The following GNA13 variants were observed in gnomAD, a reference collection of about 807,000 sequenced individuals.
The protein encoded by GNA13 is guanine nucleotide-binding protein subunit alpha-13.
Under a neutral mutation model 33.5 loss-of-function variants are expected in GNA13, and 4 were observed. The observed-to-expected ratio is 0.12, with a 90% CI of 0.06 to 0.27. GNA13 has a LOEUF of 0.27. GNA13 is among the 10% of genes least tolerant of loss of function. GNA13 has a pLI of 1.00. For missense variants in GNA13, 319 were observed against 487.2 expected, an observed-to-expected ratio of 0.65 and a Z score of 3.25; for synonymous variants, 176 against 183.8, an observed-to-expected ratio of 0.96 and a Z score of 0.34.
At position 65,014,067 on chromosome 17, in the gene GNA13, T is replaced by C; in HGVS notation, c.*190A>G. 1.8e-6 allele frequency: 1 copy of C among 559,012 alleles called. No homozygotes were observed. The allele number at this position is 559,012 out of a possible 1,614,324, so 34.6% of individuals were successfully genotyped here. A position where few individuals can be genotyped will look rare whatever the true frequency, so the allele number is the denominator to read the frequency against. The stretch of plus-strand genomic sequence containing the variant: ...TCAAAGCCTGCATTACAGCAAATCT[T>C]GGCGATGAGTCACTCAACAGCTTTC... On this transcript the variant is annotated 3_prime_UTR_variant, in exon 4 of 4. Coordinates refer to ENST00000439174, the MANE Select transcript of GNA13 (RefSeq NM_006572.6). This position sits in a 1 kb window ranked among gnomAD's most constrained non-coding sequence, Gnocchi z 5.3.
At chr17:65,040,450 T>C (rs1235987211) in intron 2 of GNA13, among the ~76,000 whole-genome samples, 1 of 152,246 alleles carries the variant, frequency 6.6e-6, no homozygotes, top group Non-Finnish European at 1.5e-5. Flanking sequence ...ATTTTCTTTT[T>C]AAAATTTGCA....
In GNA13 at chr17:65,056,677, G is replaced by T; in HGVS notation, c.-84C>A. On this transcript the variant is annotated 5_prime_UTR_variant, in exon 1 of 4. Coordinates refer to ENST00000439174, the MANE Select transcript of GNA13 (RefSeq NM_006572.6). ...GGCGGCGGGCGGCTCCGGCACCGAG[G>T]CTCGAGGGCGGGGAGCGCGGCGGCG... is the stretch of plus-strand genomic sequence containing the variant. The T allele has an allele frequency of 9.3e-7, 1 of 1,076,292 alleles. No individual in the cohort carries two copies. Among genetic ancestry groups the T allele is most frequent in the Non-Finnish European group, 1.2e-6 (1 of 818,624 alleles). The allele number at this position is 1,076,292 out of a possible 1,614,324, so 66.7% of individuals were successfully genotyped here.
intron 2 of GNA13, among the ~76,000 whole-genome samples, chr17:65,051,429 A>T (rs1907854459): frequency 6.6e-6 from 1 of 152,218 alleles, no homozygotes; most frequent in African/African-American, 2.4e-5. Context: ...CAGCTTGACC[A>T]ACATGGAGAA....
chr17:65,010,582 G>A lies in GNA13; in HGVS notation c.*3675C>T, dbSNP rs1398726361. The A allele has an allele frequency of 9.7e-6, 2 of 206,138 alleles. No homozygotes were observed. The highest frequency in any genetic ancestry group is 7.3e-5 in the East Asian group (1 of 13,676). 12.8% of individuals were successfully genotyped at this position (206,138 alleles called of 1,614,324 possible). On this transcript the variant is annotated 3_prime_UTR_variant, in exon 4 of 4. Coordinates refer to ENST00000439174, the MANE Select transcript of GNA13 (RefSeq NM_006572.6). ...CAGATCATCTGTGATTAACAGAAGC[G>A]AACGCCTTAAAATGATGGGAGAGAG...
intron 2 of GNA13, 51 bp downstream of exon 2, chr17:65,053,451 C>T (rs1461532845): frequency 3.4e-6 from 4 of 1,167,032 alleles, no homozygotes; most frequent in Admixed American, 1.7e-5. Flanking sequence ...ACCTGTATTA[C>T]TAAACATCAT....
chr17:65,016,599 T>C (rs551538797), intron 3 of GNA13, among the ~76,000 whole-genome samples: 3 of 152,180 alleles, frequency 2.0e-5, no homozygotes, highest in Non-Finnish European at 4.4e-5. Context: ...TGACCTCAAG[T>C]GATCCTCCCG....
chr17:65,049,803 A>G (rs1383062005), intron 2 of GNA13, among the ~76,000 whole-genome samples: 1 of 152,216 alleles, frequency 6.6e-6, no homozygotes, highest in Non-Finnish European at 1.5e-5. Context: ...ATCCTCAGGT[A>G]TAAAGTCTGA....
intron 2 of GNA13, among the ~76,000 whole-genome samples, chr17:65,025,324 C>G (rs891726943): frequency 6.6e-6 from 1 of 152,180 alleles, no homozygotes; most frequent in African/African-American, 2.4e-5. Flanking sequence ...ATAGCTTCCT[C>G]TTTTAAAAAA....
rs909327396 is a variant in GNA13 at position 65,013,916 on chromosome 17, T to G, written c.*341A>C. On this transcript the variant is annotated 3_prime_UTR_variant, in exon 4 of 4. Coordinates refer to ENST00000439174, the MANE Select transcript of GNA13 (RefSeq NM_006572.6). ...TCCCTACAAGTATTTAAGGACACCT[T>G]TGATACTTGGCACTGCAGGAGAATT... 1 of 297,888 alleles carries G rather than the reference T, an allele frequency of 3.4e-6. No homozygotes were observed. Among genetic ancestry groups the G allele is most frequent in the African/African-American group, 2.1e-5 (1 of 47,426 alleles). The allele number at this position is 297,888 out of a possible 1,614,324, so 18.5% of individuals were successfully genotyped here. A position where few individuals can be genotyped will look rare whatever the true frequency, so the allele number is the denominator to read the frequency against.
At chr17:65,033,225 C>T in intron 2 of GNA13, among the ~76,000 whole-genome samples, 1 of 151,974 alleles carries the variant, frequency 6.6e-6, no homozygotes, top group East Asian at 1.9e-4. Context: ...TGGCTGACAC[C>T]TGTAATCCCA....
In GNA13 at chr17:65,020,236, T is replaced by G. The variant is rs146196554; in HGVS notation, c.511-1933A>C. 7.1e-3 allele frequency among the ~76,000 whole-genome samples: 1,082 copies of G among 152,332 alleles called. 8 individuals carry two copies. The highest frequency in any genetic ancestry group is 0.011 in the Non-Finnish European group (739 of 68,028). Reference sequence around the variant, plus strand: ...AACAATTTCAGAAGTGATCAAAGTCTTCTTGTTTTCTAATATTAATGTTAA... The same window carrying G: ...AACAATTTCAGAAGTGATCAAAGTCGTCTTGTTTTCTAATATTAATGTTAA... On this transcript the variant is annotated intron_variant, in intron 2 of 3. Coordinates refer to ENST00000439174, the MANE Select transcript of GNA13 (RefSeq NM_006572.6).
chr17:65,027,070 G>A (rs1377808292), intron 2 of GNA13, among the ~76,000 whole-genome samples: 7 of 152,246 alleles, frequency 4.6e-5, no homozygotes, highest in African/African-American at 1.2e-4. Flanking sequence ...GAGCCACCGC[G>A]CCCGGCCTCT....
chr17:65,025,311 T>C (rs989172934), intron 2 of GNA13, among the ~76,000 whole-genome samples: 2 of 152,194 alleles, frequency 1.3e-5, no homozygotes, highest in Non-Finnish European at 2.9e-5. Flanking sequence ...ATTAAGTCTA[T>C]ATATAGCTTC....
At chr17:65,053,788 T>A (rs1258537930) in intron 1 of GNA13, 60 bp from the exon 2 acceptor site, 1 of 1,053,292 alleles carries the variant, frequency 9.5e-7, no homozygotes, top group African/African-American at 1.6e-5. Context: ...TTATCATAAG[T>A]TTTTATTCCA....
chr17:65,012,517 G>A lies in GNA13; in HGVS notation c.*1740C>T, dbSNP rs553863341. ...AACTTGCATCACGGTGCCGGGCTAC[G>A]TATGTGTAGCTCATGGATTACCATG... On this transcript the variant is annotated 3_prime_UTR_variant, in exon 4 of 4. Coordinates refer to ENST00000439174, the MANE Select transcript of GNA13 (RefSeq NM_006572.6). 7 of 218,718 alleles carry A rather than the reference G, an allele frequency of 3.2e-5. No homozygotes were observed. The South Asian group carries it at 5.6e-4, about 17-fold the overall frequency. 13.5% of individuals were successfully genotyped at this position (218,718 alleles called of 1,614,324 possible). A position where few individuals can be genotyped will look rare whatever the true frequency, so the allele number is the denominator to read the frequency against.
intron 2 of GNA13, among the ~76,000 whole-genome samples, chr17:65,026,948 T>A (rs1284352973): frequency 6.6e-6 from 1 of 151,956 alleles, no homozygotes; most frequent in African/African-American, 2.4e-5. Context: ...CCAGTTAATT[T>A]TGTATTTTTA....
chr17:65,009,289 T>C lies in GNA13; in HGVS notation c.*4968A>G, dbSNP rs1180323635. Among the ~76,000 whole-genome samples the C allele has an allele frequency of 6.6e-6, 1 of 152,246 alleles. No individual in the cohort carries two copies. The highest frequency in any genetic ancestry group is 1.5e-5 in the Non-Finnish European group (1 of 68,046). ...CAAACTGTTAAATAACATCATAGTA[T>C]TGAATTGTTTACAAATGTTTATTAA... is the stretch of plus-strand genomic sequence containing the variant. On this transcript the variant is annotated 3_prime_UTR_variant, in exon 4 of 4. Transcript: ENST00000439174.
At chr17:65,045,309 C>T (rs1598497709) in intron 2 of GNA13, among the ~76,000 whole-genome samples, 2 of 152,000 alleles carry the variant, frequency 1.3e-5, no homozygotes, top group African/African-American at 4.8e-5. Flanking sequence ...TACCTGAGGT[C>T]AGGAGTTCGA....
chr17:65,049,888 C>T (rs946088499), intron 2 of GNA13, among the ~76,000 whole-genome samples: 1 of 152,146 alleles, frequency 6.6e-6, no homozygotes, highest in African/African-American at 2.4e-5. Flanking sequence ...ATTATCACTA[C>T]ATTAAGTGAA....
Sources: allele counts gnomAD v4.1 joint callset (sites outside exome capture counted in the v4.1 genomes callset), GRCh38; gene constraint gnomAD v4.1.1; non-coding constraint Gnocchi (gnomAD v3.1); transcripts MANE v1.5; gene names NCBI Gene and HGNC (gene_info 2026-07-23, HGNC 2026-07-21).